Variants in TENM3 observed in about 807,000 individuals in gnomAD.
TENM3 encodes teneurin-3.
In TENM3, 63 loss-of-function variants were observed where a neutral mutation model predicts 255.1. The observed-to-expected ratio is 0.25, with a 90% CI of 0.20 to 0.30. The LOEUF (loss-of-function observed/expected upper bound fraction) is 0.30, where lower values mean the gene tolerates loss of function less well. Ranked by LOEUF, TENM3 falls within the 10% of genes least tolerant of loss-of-function variation. TENM3 has a pLI of 1.00. For missense variants in TENM3, 2,929 were observed against 3,461.1 expected (o/e 0.85, Z 3.86); for synonymous variants, 1,306 against 1,322.3 (o/e 0.99, Z 0.27).
At chr4:182,047,489 G>A in the TENM3 span, among the ~76,000 whole-genome samples, 1 of 148,298 alleles carries the variant, frequency 6.7e-6, no homozygotes, top group African/African-American at 2.5e-5. Flanking sequence ...TTGAACCTGG[G>A]AGGTGGAGAT....
the TENM3 span, among the ~76,000 whole-genome samples, chr4:181,594,847 C>T: frequency 1.3e-5 from 2 of 152,160 alleles, no homozygotes; most frequent in African/African-American, 4.8e-5. Context: ...AAAAAATATA[C>T]TTCTTCCAAA....
At chr4:181,640,636 A>G in the TENM3 span, among the ~76,000 whole-genome samples, 1 of 152,204 alleles carries the variant, frequency 6.6e-6, no homozygotes, top group East Asian at 1.9e-4. Context: ...GCCCCTCCAG[A>G]CGAGTTCCCT....
At chr4:181,778,420 G>A in the TENM3 span, among the ~76,000 whole-genome samples, 198 of 152,174 alleles carry the variant, frequency 1.3e-3, no homozygotes, top group South Asian at 2.7e-3. Flanking sequence ...CCGCTTCTTT[G>A]ATCTATATAA....
chr4:182,255,306 TG>T (rs1758318095), intron 1 of TENM3, among the ~76,000 whole-genome samples: 1 of 152,158 alleles, frequency 6.6e-6, no homozygotes, highest in Non-Finnish European at 1.5e-5. Context: ...GCACAAACTT[TG>T]TAAACATTTT....
At chr4:182,010,003 TC>T in the TENM3 span, among the ~76,000 whole-genome samples, 1 of 152,144 alleles carries the variant, frequency 6.6e-6, no homozygotes, top group Non-Finnish European at 1.5e-5. Context: ...TGCTCTTCCT[TC>T]TCTCCGTGGG....
At chr4:181,511,446 GCT>G in the TENM3 span, among the ~76,000 whole-genome samples, 2 of 152,128 alleles carry the variant, frequency 1.3e-5, no homozygotes, top group African/African-American at 4.8e-5. Context: ...GACAGAAGGA[GCT>G]CATGCGTGGG....
chr4:182,118,975 G>A, the TENM3 span, among the ~76,000 whole-genome samples: 1 of 152,320 alleles, frequency 6.6e-6, no homozygotes, highest in Admixed American at 6.5e-5. Context: ...CATTAGCGAT[G>A]TGGTGGTCAG....
At chr4:182,525,739 G>A (rs1053175885) in intron 3 of TENM3, among the ~76,000 whole-genome samples, 1 of 152,136 alleles carries the variant, frequency 6.6e-6, no homozygotes, top group Non-Finnish European at 1.5e-5. Flanking sequence ...CAAATTACTT[G>A]CCTCTTTGTC....
chr4:182,177,247 A>T (rs1374307539), intron 1 of TENM3, among the ~76,000 whole-genome samples: 2 of 152,094 alleles, frequency 1.3e-5, no homozygotes, highest in Non-Finnish European at 2.9e-5. Context: ...AGACCCAATG[A>T]TACATTTCAT....
intron 1 of TENM3, among the ~76,000 whole-genome samples, chr4:182,174,207 C>G (rs2149706374): frequency 6.6e-6 from 1 of 152,070 alleles, no homozygotes; most frequent in African/African-American, 2.4e-5. Context: ...CATTTGGATA[C>G]TAAGGGTAGT....
chr4:182,224,048 T>C (rs970327096), intron 1 of TENM3, among the ~76,000 whole-genome samples: 3 of 152,218 alleles, frequency 2.0e-5, no homozygotes, highest in Non-Finnish European at 4.4e-5. Context: ...GTGTGGCTTA[T>C]TTTATGTACC....
the TENM3 span, among the ~76,000 whole-genome samples, chr4:182,126,315 G>A: frequency 6.6e-6 from 1 of 152,140 alleles, no homozygotes; most frequent in Non-Finnish European, 1.5e-5. Context: ...GTGAAAACAA[G>A]GTCACACTTC....
chr4:181,895,755 G>C, the TENM3 span, among the ~76,000 whole-genome samples: 5 of 151,852 alleles, frequency 3.3e-5, no homozygotes, highest in East Asian at 9.7e-4. Flanking sequence ...TGTGTTGCCA[G>C]AGTGGTCTCA....
At chr4:182,577,236 C>T (rs764774532) in intron 3 of TENM3, among the ~76,000 whole-genome samples, 4 of 152,212 alleles carry the variant, frequency 2.6e-5, no homozygotes, top group Non-Finnish European at 1.5e-5. Context: ...CTCTGTATAT[C>T]TGTATGCTCA....
At chr4:182,081,583 CAAAA>C in the TENM3 span, among the ~76,000 whole-genome samples, 8 of 87,530 alleles carry the variant, frequency 9.1e-5, no homozygotes, top group African/African-American at 1.4e-4. Context: ...GGCTCTGCCT[CAAAA>C]AAAAAAAAAA....
At chr4:181,992,362 A>G in the TENM3 span, among the ~76,000 whole-genome samples, 18 of 152,290 alleles carry the variant, frequency 1.2e-4, no homozygotes, top group Admixed American at 7.2e-4. Flanking sequence ...CTAATTCACA[A>G]ATATTGAAAC....
At chr4:182,151,123 T>C (rs968094763) in intron 1 of TENM3, among the ~76,000 whole-genome samples, 2 of 152,090 alleles carry the variant, frequency 1.3e-5, no homozygotes, top group Non-Finnish European at 2.9e-5. Context: ...CAGCATCCTC[T>C]TGTGTCCAGC....
chr4:182,315,297 A>C (rs766578690), intron 1 of TENM3, among the ~76,000 whole-genome samples: 2 of 152,074 alleles, frequency 1.3e-5, no homozygotes, highest in Non-Finnish European at 2.9e-5. Context: ...GGCTTCCTTT[A>C]CATTTTTTTG....
chr4:182,209,897 G>A (rs546842003), intron 1 of TENM3, among the ~76,000 whole-genome samples: 1 of 152,010 alleles, frequency 6.6e-6, no homozygotes, highest in Non-Finnish European at 1.5e-5. Context: ...TCTGCAGGGG[G>A]AGGTGGGGTA....
Sources: allele counts gnomAD v4.1 joint callset (sites outside exome capture counted in the v4.1 genomes callset), GRCh38; gene constraint gnomAD v4.1.1; transcripts MANE v1.5; gene names NCBI Gene and HGNC (gene_info 2026-07-23, HGNC 2026-07-21).